The following GATAD2B variants were observed in gnomAD, a reference collection of about 807,000 sequenced individuals.
The protein encoded by GATAD2B is GATA zinc finger domain containing 2B, also known as transcriptional repressor p66-beta.
In GATAD2B, 8 loss-of-function variants were observed where a neutral mutation model predicts 64.3. The observed-to-expected ratio is 0.12, with a 90% CI of 0.07 to 0.22. The LOEUF (loss-of-function observed/expected upper bound fraction) is 0.22. GATAD2B is among the 10% of genes least tolerant of loss of function. The pLI, the probability that GATAD2B is intolerant of heterozygous loss-of-function variation, is 1.00. For synonymous variants in GATAD2B, 281 were observed against 271.3 expected (o/e 1.04, Z -0.35); for missense variants, 453 against 752.0 (o/e 0.60, Z 4.65).
chr1:153,828,458 A>ACAC (rs2101891796), intron 1 of GATAD2B, 110 bp from the exon 2 acceptor site: 1 of 169,978 alleles, frequency 5.9e-6, no homozygotes, highest in East Asian at 4.2e-5. Flanking sequence ...TCACACATAC[A>ACAC]CACACACACA....
At chr1:153,831,854 C>T (rs943157969) in intron 1 of GATAD2B, among the ~76,000 whole-genome samples, 4 of 152,160 alleles carry the variant, frequency 2.6e-5, no homozygotes, top group Admixed American at 6.6e-5. Context: ...TACGCCTAGA[C>T]GCAAAAAGTA....
chr1:153,813,277 T>C lies in GATAD2B; in HGVS notation c.1392A>G (p.Ala464=), dbSNP rs1445188796. The part of the protein sequence containing the change: ...KAEHTNRLKN[A]FVKALQQEQE... ...GTTCCTGCTGTAGGGCTTTCACAAATGCATTTTTCAGCCGGTTGGTGTGTT... is the reference window on the plus strand; with the variant it reads ...GTTCCTGCTGTAGGGCTTTCACAAACGCATTTTTCAGCCGGTTGGTGTGTT... Residue 464 remains alanine, a synonymous_variant, in exon 8 of 11, where the codon GCA becomes GCG. Coordinates refer to ENST00000368655, the MANE Select transcript of GATAD2B (RefSeq NM_020699.4). 7 of 1,614,152 alleles carry C rather than the reference T, an allele frequency of 4.3e-6. No homozygotes were observed. The highest frequency in any genetic ancestry group is 1.3e-5 in the African/African-American group (1 of 75,064).
chr1:153,831,500 AAAT>A (rs1316668338), intron 1 of GATAD2B, among the ~76,000 whole-genome samples: 3 of 152,196 alleles, frequency 2.0e-5, no homozygotes, highest in Admixed American at 6.5e-5. Flanking sequence ...ACTTAAAGTA[AAAT>A]AATAAAAAAA....
At chr1:153,879,379 ACTTTATT>A (rs1228233628) in intron 1 of GATAD2B, among the ~76,000 whole-genome samples, 4 of 152,052 alleles carry the variant, frequency 2.6e-5, no homozygotes, top group Non-Finnish European at 4.4e-5. Flanking sequence ...TCGGCCCCAT[ACTTTATT>A]CTTTAATATA....
intron 1 of GATAD2B, among the ~76,000 whole-genome samples, chr1:153,912,200 G>A (rs560233782): frequency 3.7e-4 from 56 of 152,158 alleles, no homozygotes; most frequent in Non-Finnish European, 7.4e-4. Context: ...ATAAAGGGTG[G>A]TACCTATATA....
chr1:153,860,298 C>A (rs770565362), intron 1 of GATAD2B, among the ~76,000 whole-genome samples: 10 of 152,064 alleles, frequency 6.6e-5, no homozygotes, highest in Non-Finnish European at 1.5e-4. Flanking sequence ...ACTGTGAGCA[C>A]CCAGAAGTCA....
chr1:153,862,933 A>C (rs1676362003), intron 1 of GATAD2B, among the ~76,000 whole-genome samples: 2 of 151,806 alleles, frequency 1.3e-5, no homozygotes, highest in South Asian at 2.1e-4. Context: ...CATGTTGGTC[A>C]GGCTGATCTC....
intron 1 of GATAD2B, among the ~76,000 whole-genome samples, chr1:153,896,017 G>T (rs970174139): frequency 1.5e-5 from 2 of 134,594 alleles, no homozygotes; most frequent in African/African-American, 5.5e-5. Flanking sequence ...AAAAAAATTA[G>T]CTAGGTGCTG....
intron 1 of GATAD2B, among the ~76,000 whole-genome samples, chr1:153,863,497 AAAAG>A (rs1676380567): frequency 7.0e-6 from 1 of 142,932 alleles, no homozygotes; most frequent in African/African-American, 2.5e-5. Flanking sequence ...CCTCCGTCTC[AAAAG>A]AAAGAAATAA....
chr1:153,818,926 AG>A lies in GATAD2B; in HGVS notation c.466-5del. ...GCCGCTCCTCAATGCCTTTCCCCTA[AG>A]GAAACAAGAAGACTTTCAGCTATGG... On this transcript the variant is annotated splice_polypyrimidine_tract_variant and splice_region_variant and intron_variant, in intron 3 of 10. Transcript: ENST00000368655. 6.2e-7 allele frequency: 1 copy of A among 1,608,544 alleles called. No individual in the cohort carries two copies. Among genetic ancestry groups the A allele is most frequent in the African/African-American group, 1.3e-5 (1 of 75,004 alleles).
chr1:153,912,356 A>C (rs1251562004), intron 1 of GATAD2B, among the ~76,000 whole-genome samples: 2 of 152,180 alleles, frequency 1.3e-5, no homozygotes, highest in Non-Finnish European at 2.9e-5. Flanking sequence ...ATAAATAAGC[A>C]AAACTTTCAA....
intron 1 of GATAD2B, among the ~76,000 whole-genome samples, chr1:153,841,456 TG>T (rs1466643243): frequency 6.6e-6 from 1 of 152,202 alleles, no homozygotes; most frequent in Non-Finnish European, 1.5e-5. Flanking sequence ...TCCCATCTCC[TG>T]CCACATTCAT....
chr1:153,825,470 T>C (rs948112320), intron 2 of GATAD2B, among the ~76,000 whole-genome samples: 3 of 152,052 alleles, frequency 2.0e-5, no homozygotes, highest in African/African-American at 4.8e-5. Context: ...GTTGCCCAGG[T>C]TGGAGTGCAG....
At chr1:153,842,532 A>G (rs1327954929) in intron 1 of GATAD2B, among the ~76,000 whole-genome samples, 1 of 124,620 alleles carries the variant, frequency 8.0e-6, no homozygotes, top group Non-Finnish European at 2.0e-5. Context: ...TTGCATATAC[A>G]TGTAATCATT....
rs1221230684 is a variant in GATAD2B at position 153,859,921 on chromosome 1, T to C, written c.-1-31573A>G. Among the ~76,000 whole-genome samples, 253 of 134,340 alleles carry C rather than the reference T, an allele frequency of 1.9e-3. 2 individuals are homozygous for C. Among genetic ancestry groups the C allele is most frequent in the African/African-American group, 6.7e-3 (238 of 35,608 alleles). 88.1% of individuals were successfully genotyped at this position (134,340 alleles called of 152,430 possible). On this transcript the variant is annotated intron_variant, in intron 1 of 10. Transcript: ENST00000368655. ...TCTTTTCTTTTCTTTTTTTTTTTTT[T>C]TTTTTTTTTTTTTTGAGACAGAGCC... is the stretch of plus-strand genomic sequence containing the variant.
chr1:153,911,933 C>T (rs1300635322), intron 1 of GATAD2B, among the ~76,000 whole-genome samples: 1 of 152,180 alleles, frequency 6.6e-6, no homozygotes, highest in African/African-American at 2.4e-5. Context: ...AAAAGTCACA[C>T]ATAAGCTACA....
Position 153,810,166 on chromosome 1 carries a change from T to C in GATAD2B, c.*11A>G. 1.2e-6 allele frequency: 2 copies of C among 1,604,868 alleles called. No individual in the cohort carries two copies. The highest frequency in any genetic ancestry group is 2.2e-5 in the South Asian group (2 of 89,746). On this transcript the variant is annotated 3_prime_UTR_variant, in exon 11 of 11. Coordinates refer to ENST00000368655, the MANE Select transcript of GATAD2B (RefSeq NM_020699.4). ...GGATTCAAGGATGGGGCAGTACAAG[T>C]GGAACAGGCGTTATTTCTGTCCACT...
chr1:153,877,222 A>G (rs1303008423), intron 1 of GATAD2B, among the ~76,000 whole-genome samples: 1 of 152,140 alleles, frequency 6.6e-6, no homozygotes, highest in Admixed American at 6.6e-5. Context: ...GCCTATAGTC[A>G]GTCCTAGCTA....
intron 1 of GATAD2B, among the ~76,000 whole-genome samples, chr1:153,865,454 CCATCTCAAAAA>C (rs1557812109): frequency 6.6e-5 from 10 of 152,012 alleles, no homozygotes. Context: ...GAGTGAGACT[CCATCTCAAAAA>C]CAAATAATTT....
Sources: gnomAD v4.1 joint callset for allele counts (sites outside exome capture counted in the v4.1 genomes callset) on GRCh38, gnomAD v4.1.1 for gene constraint, MANE v1.5 for transcripts, NCBI Gene and HGNC (gene_info 2026-07-23, HGNC 2026-07-21) for gene names.